The following ANO1 variants were observed in gnomAD, a reference collection of about 807,000 sequenced individuals.
ANO1 encodes the protein anoctamin 1, also known as anoctamin-1.
A neutral mutation model predicts 124.0 loss-of-function variants in ANO1; 59 were observed. The ratio of observed to expected loss-of-function variants is 0.48; its 90% CI spans 0.39 to 0.59. The LOEUF (loss-of-function observed/expected upper bound fraction) is 0.59. ANO1 is among the 20% of genes least tolerant of loss of function. The pLI is 0.00. For missense variants in ANO1, 1,059 were observed against 1,328.0 expected (o/e 0.80, Z 3.15); for synonymous variants, 529 against 532.0 (o/e 0.99, Z 0.08).
At chr11:70,138,506 CA>C (rs564343150) in intron 11 of ANO1, among the ~76,000 whole-genome samples, 137 of 125,888 alleles carry the variant, frequency 1.1e-3, no homozygotes, top group East Asian at 4.3e-3. Context: ...AAGTCCGTCT[CA>C]AAAAAAAAAA....
Position 70,087,745 on chromosome 11 carries a change from C to CCCT in ANO1, c.109-6_109-4dup. The CCCT allele has an allele frequency of 1.9e-6, 3 of 1,581,638 alleles. No homozygotes were observed. The highest frequency in any genetic ancestry group is 2.6e-6 in the Non-Finnish European group (3 of 1,161,846). ...TGGTGAATGGGTGTCTTTTCTTCCA[C>CCCT]CCTTAGCTGCTGAACTCCTTATCTG... On this transcript the variant is annotated splice_region_variant and splice_polypyrimidine_tract_variant and intron_variant, in intron 1 of 25. Coordinates refer to ENST00000355303, the MANE Select transcript of ANO1 (RefSeq NM_018043.7).
intron 1 of ANO1, among the ~76,000 whole-genome samples, chr11:70,023,117 C>T (rs1201987055): frequency 4.6e-5 from 7 of 152,152 alleles, no homozygotes; most frequent in African/African-American, 1.2e-4. Context: ...AGATCCATGC[C>T]GGACTTCTGG....
At chr11:70,069,118 A>G (rs1276421979) in intron 1 of ANO1, among the ~76,000 whole-genome samples, 1 of 152,192 alleles carries the variant, frequency 6.6e-6, no homozygotes, top group East Asian at 1.9e-4. Flanking sequence ...GCCATCTCTG[A>G]GCATGGGCTG....
chr11:70,140,030 G>A (rs373721070), intron 11 of ANO1, among the ~76,000 whole-genome samples: 16 of 152,092 alleles, frequency 1.1e-4, no homozygotes, highest in East Asian at 5.8e-4. Flanking sequence ...GACTGCCTCC[G>A]TGCCAGGCCC....
chr11:69,993,986 A>C (rs1219147405), intron 1 of ANO1, among the ~76,000 whole-genome samples: 1 of 151,756 alleles, frequency 6.6e-6, no homozygotes, highest in Non-Finnish European at 1.5e-5. Context: ...CATCTGCCCC[A>C]CATTCATTTT....
chr11:70,000,976 T>C (rs1207381964), intron 1 of ANO1, among the ~76,000 whole-genome samples: 1 of 151,810 alleles, frequency 6.6e-6, no homozygotes, highest in East Asian at 2.0e-4. Flanking sequence ...CTACTGCTCA[T>C]GGGTGTGGAG....
chr11:70,182,464 G>C (rs771112895), intron 23 of ANO1, 38 bp from the exon 24 acceptor site: 2 of 1,467,548 alleles, frequency 1.4e-6, no homozygotes, highest in Admixed American at 4.7e-5. Flanking sequence ...TCTGCGCCCA[G>C]GCTGGGGGTC....
chr11:70,152,699 G>A (rs139736522), intron 13 of ANO1, among the ~76,000 whole-genome samples: 16 of 152,352 alleles, frequency 1.1e-4, no homozygotes, highest in Admixed American at 2.0e-4. Context: ...TGCGCTTGCC[G>A]ACAGTTACTG....
intron 2 of ANO1, among the ~76,000 whole-genome samples, chr11:70,090,620 C>A (rs533566669): frequency 1.1e-4 from 17 of 152,252 alleles, no homozygotes; most frequent in African/African-American, 3.1e-4. Flanking sequence ...GCAAGAAGGA[C>A]GAGAAAAGAC....
chr11:70,030,868 A>G (rs1292701829), intron 1 of ANO1, among the ~76,000 whole-genome samples: 1 of 152,206 alleles, frequency 6.6e-6, no homozygotes, highest in East Asian at 1.9e-4. Flanking sequence ...CAGAAGGAAG[A>G]GAAACACCCC....
At chr11:69,991,682 GA>G (rs1856158090) in intron 1 of ANO1, among the ~76,000 whole-genome samples, 2 of 152,196 alleles carry the variant, frequency 1.3e-5, no homozygotes, top group African/African-American at 4.8e-5. Context: ...AACAGACATA[GA>G]TGCATCTCCT....
At chr11:70,171,086 G>A (rs1267495577) in intron 22 of ANO1, 47 bp downstream of exon 22, 1 of 1,583,990 alleles carries the variant, frequency 6.3e-7, no homozygotes, top group East Asian at 2.3e-5. Flanking sequence ...GTGCGTGCTG[G>A]GTTTGGGGAG....
At chr11:69,986,378 G>A (rs544673286) in intron 1 of ANO1, among the ~76,000 whole-genome samples, 3 of 149,226 alleles carry the variant, frequency 2.0e-5, no homozygotes, top group Non-Finnish European at 3.0e-5. Flanking sequence ...GTCACAGGTC[G>A]CTGGGGCACT....
intron 1 of ANO1, among the ~76,000 whole-genome samples, chr11:70,035,713 G>T (rs1361536620): frequency 1.3e-5 from 2 of 152,080 alleles, no homozygotes; most frequent in African/African-American, 4.8e-5. Context: ...ACAGGCCCTG[G>T]TGTGTGAGTG....
chr11:70,099,047 G>A (rs2045140006), intron 2 of ANO1, among the ~76,000 whole-genome samples: 1 of 152,134 alleles, frequency 6.6e-6, no homozygotes. Context: ...GGCTGACTCT[G>A]TCCCCTTGCA....
intron 1 of ANO1, among the ~76,000 whole-genome samples, chr11:70,023,373 C>A (rs946162782): frequency 3.9e-5 from 6 of 152,144 alleles, no homozygotes; most frequent in African/African-American, 1.4e-4. Context: ...TTGGGAGATC[C>A]CAGGCTAAAC....
Position 70,113,420 on chromosome 11 carries a change from A to C in ANO1, c.855+1658A>C, listed in dbSNP as rs145092596. Among the ~76,000 whole-genome samples the C allele has an allele frequency of 4.9e-3, 748 of 152,278 alleles. 4 individuals carry two copies. Among genetic ancestry groups the C allele is most frequent in the Non-Finnish European group, 7.7e-3 (525 of 68,022 alleles). ...AGGGCAGAGTTCAGGCCCCTAGACC[A>C]GGGCAGTGGCTCCGGGTTCCTGCCC... On this transcript the variant is annotated intron_variant, in intron 7 of 25. Transcript: ENST00000355303.
At chr11:70,136,504 CATGTTTGGG>C (rs2046961451) in intron 11 of ANO1, among the ~76,000 whole-genome samples, 1 of 118,700 alleles carries the variant, frequency 8.4e-6, no homozygotes, top group Non-Finnish European at 2.0e-5. Context: ...TGGCCGATTT[CATGTTTGGG>C]GCTTCTGCCT....
chr11:70,012,237 C>G (rs572915743), intron 1 of ANO1, among the ~76,000 whole-genome samples: 4 of 147,190 alleles, frequency 2.7e-5, no homozygotes, highest in African/African-American at 1.0e-4. Flanking sequence ...TATTCATTCA[C>G]ACATTCATCC....
Sources: gnomAD v4.1 joint callset for allele counts (sites outside exome capture counted in the v4.1 genomes callset) on GRCh38, gnomAD v4.1.1 for gene constraint, MANE v1.5 for transcripts, NCBI Gene and HGNC (gene_info 2026-07-23, HGNC 2026-07-21) for gene names.